Variants in TENM2 observed in about 807,000 individuals in gnomAD.
TENM2 encodes teneurin-2.
Under a neutral mutation model 245.2 loss-of-function variants are expected in TENM2, and 52 were observed. The ratio of observed to expected loss-of-function variants is 0.21; its 90% CI spans 0.17 to 0.27. TENM2 has a LOEUF of 0.27. Among genes scored for constraint, TENM2 ranks in the 10% least tolerant of loss-of-function variants. TENM2 has a pLI of 1.00. For synonymous variants in TENM2, 1,363 were observed against 1,438.9 expected (o/e 0.95, Z 1.19); for missense variants, 3,046 against 3,666.8 (o/e 0.83, Z 4.37).
chr5:167,777,671 G>T (rs1050747115), intron 2 of TENM2, among the ~76,000 whole-genome samples: 4 of 152,170 alleles, frequency 2.6e-5, no homozygotes, highest in Non-Finnish European at 4.4e-5. Flanking sequence ...TTGTTGTGAA[G>T]ATCAAATAAA....
chr5:167,975,664 T>G (rs376671247), intron 4 of TENM2, among the ~76,000 whole-genome samples: 1 of 151,958 alleles, frequency 6.6e-6, no homozygotes, highest in Non-Finnish European at 1.5e-5. Flanking sequence ...TCATGAAGAG[T>G]TCTAAATAAG....
At chr5:167,244,080 G>A in the TENM2 span, among the ~76,000 whole-genome samples, 1 of 151,976 alleles carries the variant, frequency 6.6e-6, no homozygotes, top group Admixed American at 6.6e-5. Flanking sequence ...ATCTAAATCT[G>A]TTCTATTATT....
At chr5:167,710,255 A>G (rs1314501241) in intron 2 of TENM2, among the ~76,000 whole-genome samples, 1 of 152,206 alleles carries the variant, frequency 6.6e-6, no homozygotes, top group African/African-American at 2.4e-5. Flanking sequence ...ATGCATACAC[A>G]CACACATATT....
chr5:167,652,330 C>T (rs932503693), intron 2 of TENM2, among the ~76,000 whole-genome samples: 4 of 152,114 alleles, frequency 2.6e-5, no homozygotes, highest in African/African-American at 9.7e-5. Flanking sequence ...GCATAAAATC[C>T]AATCTCATTA....
chr5:167,762,757 C>T (rs922737742), intron 2 of TENM2, among the ~76,000 whole-genome samples: 3 of 152,170 alleles, frequency 2.0e-5, no homozygotes, highest in East Asian at 3.8e-4. Flanking sequence ...GTTTTAAAAA[C>T]ATCCAGCTAA....
the TENM2 span, among the ~76,000 whole-genome samples, chr5:167,193,122 G>A: frequency 2.6e-5 from 4 of 152,062 alleles, no homozygotes; most frequent in Non-Finnish European, 4.4e-5. Flanking sequence ...CGAGGAAGAA[G>A]TGTGGAAAAC....
At chr5:168,246,768 C>G (rs773896931) in exon 27 of TENM2, 3 of 1,613,686 alleles carry the variant, frequency 1.9e-6, no homozygotes. Flanking sequence ...CCATGGTCCT[C>G]CTGCTTCAGA....
intron 5 of TENM2, among the ~76,000 whole-genome samples, chr5:168,004,517 G>GCGCGCGCGCACACACA (rs898616203): frequency 3.3e-4 from 43 of 132,222 alleles, no homozygotes; most frequent in African/African-American, 1.1e-3. Flanking sequence ...GCGCGCGCGC[G>GCGCGCGCGCACACACA]CACACACACA....
chr5:167,366,241 C>T (rs147881457), intron 1 of TENM2, among the ~76,000 whole-genome samples: 1 of 151,958 alleles, frequency 6.6e-6, no homozygotes, highest in Non-Finnish European at 1.5e-5. Flanking sequence ...ACATGGATAA[C>T]CTATTGTATT....
intron 5 of TENM2, among the ~76,000 whole-genome samples, chr5:168,000,155 G>T (rs1784326155): frequency 6.6e-6 from 1 of 152,184 alleles, no homozygotes; most frequent in African/African-American, 2.4e-5. Flanking sequence ...TCCTTTGGGT[G>T]GTGGCCAAGC....
intron 2 of TENM2, among the ~76,000 whole-genome samples, chr5:167,465,748 G>T (rs1386704195): frequency 1.3e-5 from 2 of 152,098 alleles, no homozygotes; most frequent in Non-Finnish European, 2.9e-5. Flanking sequence ...GGAGAATGGC[G>T]TGAACCCGGG....
At chr5:168,130,210 A>G (rs1754448862) in intron 12 of TENM2, 1 of 152,254 alleles carries the variant, frequency 6.6e-6, no homozygotes, top group Non-Finnish European at 1.5e-5. Context: ...ATTTGCAACC[A>G]AATTATTTAT....
chr5:166,992,091 A>G, the TENM2 span, among the ~76,000 whole-genome samples: 1 of 150,074 alleles, frequency 6.7e-6, no homozygotes, highest in Admixed American at 6.6e-5. Flanking sequence ...TAAGAAGAGC[A>G]TTCAATTGTT....
intron 3 of TENM2, among the ~76,000 whole-genome samples, chr5:167,900,379 G>A (rs1379183230): frequency 2.6e-5 from 4 of 152,074 alleles, no homozygotes; most frequent in Admixed American, 6.6e-5. Context: ...TGGAAATTAC[G>A]GTACTGAGAG....
At chr5:167,284,854 G>C in exon 1 of TENM2, 1 of 1,551,272 alleles carries the variant, frequency 6.4e-7, no homozygotes, top group South Asian at 1.2e-5. Context: ...GTAAAGGACC[G>C]GCGACACCGC....
chr5:167,308,203 A>G (rs965576842), intron 1 of TENM2, among the ~76,000 whole-genome samples: 1 of 152,194 alleles, frequency 6.6e-6, no homozygotes, highest in African/African-American at 2.4e-5. Context: ...ACTTAAAATC[A>G]GTAGAAAAGC....
intron 2 of TENM2, among the ~76,000 whole-genome samples, chr5:167,619,465 G>A (rs1222354839): frequency 1.3e-5 from 2 of 151,950 alleles, no homozygotes; most frequent in Non-Finnish European, 2.9e-5. Context: ...GGAATTACAG[G>A]GCACATTAAA....
intron 1 of TENM2, among the ~76,000 whole-genome samples, chr5:167,325,811 G>A (rs1757041841): frequency 6.6e-6 from 1 of 152,188 alleles, no homozygotes; most frequent in Non-Finnish European, 1.5e-5. Context: ...AGTGAACACA[G>A]CAACATCTGT....
In TENM2 at chr5:167,846,563, C is replaced by T. The variant is rs1770058978; in HGVS notation, c.503-29423C>T. 2.0e-5 allele frequency among the ~76,000 whole-genome samples: 3 copies of T among 152,086 alleles called. 1 individual carries two copies. In the South Asian group the frequency reaches 6.2e-4, roughly 32 times the overall value. On this transcript the variant is annotated intron_variant, in intron 2 of 28. Coordinates refer to ENST00000518659, the Ensembl canonical transcript of TENM2. ...ATGCTCAGGTGTTGTTTCTGTGATG[C>T]CAAGAATCTTCCAAAAGATTGAGAT...
Sources: allele counts gnomAD v4.1 joint callset (sites outside exome capture counted in the v4.1 genomes callset), GRCh38; gene constraint gnomAD v4.1.1; transcripts MANE v1.5; gene names NCBI Gene and HGNC (gene_info 2026-07-23, HGNC 2026-07-21).